NTNG1: variants seen among roughly 807,000 people sequenced by gnomAD.
NTNG1 encodes netrin G1.
In NTNG1, 16 loss-of-function variants were observed where a neutral mutation model predicts 54.0. The observed-to-expected ratio is 0.30, with a 90% confidence interval of 0.20 to 0.45. The LOEUF is 0.45. Ranked by LOEUF, NTNG1 falls within the 20% of genes least tolerant of loss-of-function variation. The pLI is 1.00. For synonymous variants in NTNG1, 255 were observed against 263.1 expected, an observed-to-expected ratio of 0.97 and a Z score of 0.30; for missense variants, 530 against 678.7, an observed-to-expected ratio of 0.78 and a Z score of 2.43.
chr1:107,357,379 C>A (rs928812134), intron 3 of NTNG1, among the ~76,000 whole-genome samples: 1 of 152,090 alleles, frequency 6.6e-6, no homozygotes, highest in Admixed American at 6.5e-5. Context: ...AAACATGATT[C>A]ATTCAGGATT....
intron 2 of NTNG1, among the ~76,000 whole-genome samples, chr1:107,286,681 A>T (rs1290845653): frequency 1.3e-5 from 2 of 152,172 alleles, no homozygotes; most frequent in African/African-American, 4.8e-5. Context: ...TCACAAAGTC[A>T]CTTCCTTAGG....
intron 2 of NTNG1, among the ~76,000 whole-genome samples, chr1:107,300,586 C>G (rs1217331364): frequency 2.6e-5 from 4 of 152,114 alleles, no homozygotes; most frequent in Non-Finnish European, 4.4e-5. Flanking sequence ...CAGTTGCAAG[C>G]AAGTATAAAA....
chr1:107,363,712 C>T (rs1670422839), intron 3 of NTNG1, among the ~76,000 whole-genome samples: 1 of 152,148 alleles, frequency 6.6e-6, no homozygotes, highest in Non-Finnish European at 1.5e-5. Context: ...CAAGGCTCAT[C>T]TCCACCAACA....
At chr1:107,244,317 T>G (rs1383534836) in intron 2 of NTNG1, among the ~76,000 whole-genome samples, 1 of 152,214 alleles carries the variant, frequency 6.6e-6, no homozygotes, top group Non-Finnish European at 1.5e-5. Flanking sequence ...GCCTGTAACT[T>G]CTAAAACTCA....
intron 2 of NTNG1, chr1:107,261,136 C>A (rs1011061115): frequency 6.6e-6 from 1 of 152,080 alleles, no homozygotes; most frequent in Non-Finnish European, 1.5e-5. Flanking sequence ...TTCTTTAATT[C>A]ATTGATCCAG....
chr1:107,411,780 C>G (rs1237373454), intron 5 of NTNG1, among the ~76,000 whole-genome samples: 1 of 152,116 alleles, frequency 6.6e-6, no homozygotes. Context: ...AAGCTAAGGT[C>G]CCAGGTGAAA....
In NTNG1 at chr1:107,156,193, C is replaced by T. The variant is rs17018493; in HGVS notation, c.246+7354C>T. 8.8e-3 allele frequency among the ~76,000 whole-genome samples: 1,334 copies of T among 152,246 alleles called. 14 individuals carry two copies. The highest frequency in any genetic ancestry group is 0.03 in the African/African-American group (1,259 of 41,554). ...CATTTATCATAAATCTAATGTTTTC[C>T]TCTGTAAATTAAGAGACAACTAGCA... On this transcript the variant is annotated intron_variant, in intron 2 of 7. Coordinates refer to ENST00000370068, the MANE Select transcript of NTNG1 (RefSeq NM_001113226.3).
chr1:107,254,735 A>G (rs1173578486), intron 2 of NTNG1, among the ~76,000 whole-genome samples: 1 of 152,266 alleles, frequency 6.6e-6, no homozygotes, highest in Non-Finnish European at 1.5e-5. Context: ...GATTAAAAAT[A>G]GAACAGACTT....
chr1:107,348,129 TTA>T (rs1669370007), intron 3 of NTNG1, among the ~76,000 whole-genome samples: 1 of 151,718 alleles, frequency 6.6e-6, no homozygotes, highest in African/African-American at 2.4e-5. Context: ...ATTATTATTA[TTA>T]TTATTATTAT....
At chr1:107,408,028 A>G (rs914157883) in intron 5 of NTNG1, 2 of 477,986 alleles carry the variant, frequency 4.2e-6, no homozygotes, top group Non-Finnish European at 8.0e-6. Flanking sequence ...CTATTTATCC[A>G]TACTTAGCAA....
intron 3 of NTNG1, among the ~76,000 whole-genome samples, chr1:107,367,290 C>T (rs1188653863): frequency 6.6e-6 from 1 of 151,944 alleles, no homozygotes; most frequent in African/African-American, 2.4e-5. Context: ...TTTTTAAATA[C>T]AAGACCCTGA....
intron 1 of NTNG1, among the ~76,000 whole-genome samples, chr1:107,144,650 A>G (rs1653977803): frequency 6.6e-6 from 1 of 152,066 alleles, no homozygotes; most frequent in Admixed American, 6.6e-5. Flanking sequence ...GTGGAAGGGA[A>G]TTAGCTGCAG....
intron 2 of NTNG1, among the ~76,000 whole-genome samples, chr1:107,218,652 A>C (rs1432403460): frequency 6.6e-6 from 1 of 152,152 alleles, no homozygotes; most frequent in South Asian, 2.1e-4. Flanking sequence ...CTGGCTTGGT[A>C]GTGGCAAATT....
At chr1:107,418,835 T>C (rs949076878) in intron 5 of NTNG1, among the ~76,000 whole-genome samples, 2 of 151,974 alleles carry the variant, frequency 1.3e-5, no homozygotes, top group African/African-American at 4.8e-5. Flanking sequence ...AGGGGAAAAT[T>C]AGATGGCATG....
At chr1:107,261,746 G>T (rs542253695) in intron 2 of NTNG1, among the ~76,000 whole-genome samples, 1 of 152,312 alleles carries the variant, frequency 6.6e-6, no homozygotes, top group East Asian at 1.9e-4. Context: ...GGGAGGCTGA[G>T]GCGGGAGAAT....
intron 2 of NTNG1, among the ~76,000 whole-genome samples, chr1:107,179,658 T>C (rs1305510599): frequency 6.6e-6 from 1 of 152,146 alleles, no homozygotes; most frequent in Non-Finnish European, 1.5e-5. Flanking sequence ...ACTTGTGTCA[T>C]AGGGGTTTGT....
intron 2 of NTNG1, among the ~76,000 whole-genome samples, chr1:107,308,897 T>A (rs1666844103): frequency 1.3e-5 from 2 of 152,176 alleles, no homozygotes; most frequent in Non-Finnish European, 2.9e-5. Context: ...TTTGTGGAAA[T>A]TGTGCATGGG....
Position 107,148,390 on chromosome 1 carries a change from C to T in NTNG1, c.-204C>T, listed in dbSNP as rs570658762. 1.5e-5 allele frequency: 8 copies of T among 550,896 alleles called. No individual in the cohort carries two copies. The highest frequency in any genetic ancestry group is 1.3e-4 in the African/African-American group (7 of 52,852). 34.1% of individuals were successfully genotyped at this position (550,896 alleles called of 1,614,324 possible). ...GGCTTCCACCAAAGTCCTCAATATA[C>T]CTGAATACGCACAATATCTTAACTC... On this transcript the variant is annotated 5_prime_UTR_variant, in exon 2 of 8. Coordinates refer to ENST00000370068, the MANE Select transcript of NTNG1 (RefSeq NM_001113226.3).
chr1:107,326,725 A>G (rs1667976386), intron 3 of NTNG1, among the ~76,000 whole-genome samples: 2 of 151,910 alleles, frequency 1.3e-5, no homozygotes, highest in African/African-American at 4.8e-5. Context: ...CTATTGCTCC[A>G]CCTCCCCATA....
Sources: allele counts gnomAD v4.1 joint callset (sites outside exome capture counted in the v4.1 genomes callset), GRCh38; gene constraint gnomAD v4.1.1; transcripts MANE v1.5; gene names NCBI Gene and HGNC (gene_info 2026-07-23, HGNC 2026-07-21).